Variants in RNF144A observed in about 807,000 individuals in gnomAD.
RNF144A encodes the protein ring finger protein 144A, also known as E3 ubiquitin-protein ligase RNF144A.
Under a neutral mutation model 38.7 loss-of-function variants are expected in RNF144A, and 11 were observed. The ratio of observed to expected loss-of-function variants is 0.28; its 90% CI spans 0.18 to 0.47. The LOEUF is 0.47. RNF144A is among the 20% of genes least tolerant of loss of function. The pLI, the probability that RNF144A is intolerant of heterozygous loss-of-function variation, is 0.99. For synonymous variants in RNF144A, 149 were observed against 143.9 expected (o/e 1.04, Z -0.25); for missense variants, 316 against 377.2 (o/e 0.84, Z 1.34).
intron 2 of RNF144A, among the ~76,000 whole-genome samples, chr2:6,949,408 C>CTT (rs547352057): frequency 6.9e-5 from 9 of 130,440 alleles, no homozygotes; most frequent in Admixed American, 4.6e-4. Flanking sequence ...TCCTTTCCTT[C>CTT]TTTTTTTTTT....
intron 2 of RNF144A, among the ~76,000 whole-genome samples, chr2:6,965,639 A>G (rs1419593596): frequency 6.6e-6 from 1 of 152,150 alleles, no homozygotes; most frequent in Non-Finnish European, 1.5e-5. Context: ...GCTTCGGGAA[A>G]CGGGACAGGA....
At chr2:7,056,105 AAT>A (rs1481558056) in intron 6 of RNF144A, among the ~76,000 whole-genome samples, 1 of 152,136 alleles carries the variant, frequency 6.6e-6, no homozygotes, top group Non-Finnish European at 1.5e-5. Context: ...CATTAGAGTT[AAT>A]GACTTTATTT....
chr2:7,069,047 C>T (rs1461474966), downstream of RNF144A, among the ~76,000 whole-genome samples: 2 of 152,218 alleles, frequency 1.3e-5, no homozygotes, highest in Non-Finnish European at 2.9e-5. Context: ...GTAACTTGCC[C>T]TAAGTCAATA....
chr2:6,940,950 A>G lies in RNF144A; in HGVS notation c.-209A>G, dbSNP rs1217658215. On this transcript the variant is annotated splice_region_variant and 5_prime_UTR_variant, in exon 2 of 9. Transcript: ENST00000320892. ...TGTGTTCTTCTCTTGTTTCTTAGGC[A>G]TCCAGTACCCTGCTGACTCTGACAT... 1 of 152,294 alleles carries G rather than the reference A, an allele frequency of 6.6e-6. No homozygotes were observed. Among genetic ancestry groups the G allele is most frequent in the African/African-American group, 2.4e-5 (1 of 41,362 alleles). The allele number at this position is 152,294 out of a possible 1,614,324, so 9.4% of individuals were successfully genotyped here.
chr2:6,935,044 T>G (rs1665479415), intron 1 of RNF144A, among the ~76,000 whole-genome samples: 1 of 150,070 alleles, frequency 6.7e-6, no homozygotes, highest in Non-Finnish European at 1.5e-5. Flanking sequence ...ACCTTCTTCC[T>G]TCCTAAAAAT....
At chr2:7,038,987 T>C (rs550364027) in intron 8 of RNF144A, among the ~76,000 whole-genome samples, 53 of 150,338 alleles carry the variant, frequency 3.5e-4, no homozygotes, top group Middle Eastern at 3.5e-3. Flanking sequence ...GGGTGGATGG[T>C]TGGATGGATG....
chr2:6,997,144 C>T (rs1669802559), intron 3 of RNF144A, 83 bp downstream of exon 3: 1 of 1,360,594 alleles, frequency 7.3e-7, no homozygotes, highest in South Asian at 1.2e-5. Context: ...CTAGGCAAAC[C>T]TTTGGACTAC....
chr2:7,031,050 G>A (rs1672265961), intron 8 of RNF144A, among the ~76,000 whole-genome samples: 2 of 152,096 alleles, frequency 1.3e-5, no homozygotes, highest in South Asian at 4.1e-4. Context: ...TGAGCAATGG[G>A]GAGCAGCTGT....
At chr2:6,980,245 C>T (rs529778380) in intron 2 of RNF144A, among the ~76,000 whole-genome samples, 1 of 152,198 alleles carries the variant, frequency 6.6e-6, no homozygotes, top group Non-Finnish European at 1.5e-5. Context: ...CAAAACCAAT[C>T]ATGCTCTCCA....
In RNF144A at chr2:7,039,881, A is replaced by G; in HGVS notation, c.*121A>G. The stretch of plus-strand genomic sequence containing the variant: ...CCTTATGTGCCCCATTGAGCTTCAC[A>G]GTGTCAGGCTGGACGCCGTGATTTC... On this transcript the variant is annotated 3_prime_UTR_variant, in exon 9 of 9. Transcript: ENST00000320892. 6.8e-7 allele frequency: 1 copy of G among 1,472,736 alleles called. No individual in the cohort carries two copies. Among genetic ancestry groups the G allele is most frequent in the African/African-American group, 1.4e-5 (1 of 70,926 alleles). 91.2% of individuals were successfully genotyped at this position (1,472,736 alleles called of 1,614,324 possible).
intron 3 of RNF144A, among the ~76,000 whole-genome samples, chr2:7,009,551 T>C (rs1670664438): frequency 6.6e-6 from 1 of 151,224 alleles, no homozygotes; most frequent in Non-Finnish European, 1.5e-5. Flanking sequence ...AAGAACCTTA[T>C]AAAAACAAAC....
At chr2:7,021,372 G>A (rs1361204675) in intron 6 of RNF144A, among the ~76,000 whole-genome samples, 2 of 152,132 alleles carry the variant, frequency 1.3e-5, no homozygotes, top group Non-Finnish European at 2.9e-5. Flanking sequence ...CTCACCAGCT[G>A]CTCCCTGTGC....
rs571418831 is a variant in RNF144A, at chr2:6,931,969, TG to T, written c.-211-8978del. 5.3e-5 allele frequency among the ~76,000 whole-genome samples: 8 copies of T among 152,358 alleles called. No individual in the cohort carries two copies. In the South Asian group the frequency reaches 1.7e-3, roughly 32 times the overall value. ...CTATTCAGTTCAACTATGTTCTTAT[TG>T]ATTTTCTGCCTGCTGAATTTTTCCA... On this transcript the variant is annotated intron_variant, in intron 1 of 8. Transcript: ENST00000320892.
At chr2:7,057,406 AAATTGGGG>A (rs1298645096) in intron 6 of RNF144A, among the ~76,000 whole-genome samples, 2 of 152,136 alleles carry the variant, frequency 1.3e-5, no homozygotes, top group South Asian at 4.1e-4. Context: ...AATCTGGAGG[AAATTGGGG>A]AGTCCCTTGG....
chr2:6,930,981 C>A (rs184152421), intron 1 of RNF144A, among the ~76,000 whole-genome samples: 80 of 152,230 alleles, frequency 5.3e-4, no homozygotes, highest in Non-Finnish European at 8.5e-4. Context: ...AAGGAAGAAA[C>A]CCTCCTATTA....
intron 6 of RNF144A, among the ~76,000 whole-genome samples, chr2:7,055,158 G>A (rs968218842): frequency 6.6e-6 from 1 of 152,086 alleles, no homozygotes; most frequent in African/African-American, 2.4e-5. Flanking sequence ...TTCTCAGCCT[G>A]CTTTGTGCCT....
At chr2:6,979,649 AG>A (rs1487543499) in intron 2 of RNF144A, among the ~76,000 whole-genome samples, 1 of 152,106 alleles carries the variant, frequency 6.6e-6, no homozygotes, top group Non-Finnish European at 1.5e-5. Flanking sequence ...TGAGCCTTCC[AG>A]GCTCCACAGA....
Position 7,040,320 on chromosome 2 carries a change from T to C in RNF144A, c.*560T>C, listed in dbSNP as rs1342238223. The stretch of plus-strand genomic sequence containing the variant: ...AAACCATCCTATGCCTTTCTTGAAA[T>C]GTGCATTTTAAGAAGTTATAGTTAA... On this transcript the variant is annotated 3_prime_UTR_variant, in exon 9 of 9. Transcript: ENST00000320892. 7.1e-6 allele frequency: 7 copies of C among 985,438 alleles called. No homozygotes were observed. The highest frequency in any genetic ancestry group is 5.2e-5 in the African/African-American group (3 of 57,240). The allele number at this position is 985,438 out of a possible 1,614,324, so 61.0% of individuals were successfully genotyped here. A position where few individuals can be genotyped will look rare whatever the true frequency, so the allele number is the denominator to read the frequency against.
At chr2:6,985,830 A>G (rs1572339285) in intron 2 of RNF144A, among the ~76,000 whole-genome samples, 1 of 151,818 alleles carries the variant, frequency 6.6e-6, no homozygotes, top group Non-Finnish European at 1.5e-5. Flanking sequence ...GCACCATCGC[A>G]CCCGGCTAAT....
Sources: gnomAD v4.1 joint callset for allele counts (sites outside exome capture counted in the v4.1 genomes callset) on GRCh38, gnomAD v4.1.1 for gene constraint, MANE v1.5 for transcripts, NCBI Gene and HGNC (gene_info 2026-07-23, HGNC 2026-07-21) for gene names.